Variants in STIM2 observed in about 807,000 individuals in gnomAD.
The protein encoded by STIM2 is stromal interaction molecule 2.
In STIM2, 31 loss-of-function variants were observed where a neutral mutation model predicts 85.8. That is an observed-to-expected ratio of 0.36 (90% CI 0.27 to 0.49). The LOEUF (loss-of-function observed/expected upper bound fraction) is 0.49, where lower values mean the gene tolerates loss of function less well. Among genes scored for constraint, STIM2 ranks in the 20% least tolerant of loss-of-function variants. The pLI is 0.98. For synonymous variants in STIM2, 356 were observed against 331.1 expected (o/e 1.08, Z -0.82); for missense variants, 841 against 927.6 (o/e 0.91, Z 1.21).
chr4:26,909,885 T>C (rs1229438266), intron 1 of STIM2, among the ~76,000 whole-genome samples: 2 of 152,162 alleles, frequency 1.3e-5, no homozygotes, highest in African/African-American at 4.8e-5. Flanking sequence ...TGAGCTAGGG[T>C]CTCAAAAGGG....
At chr4:26,966,324 T>G (rs1195026937) in intron 3 of STIM2, among the ~76,000 whole-genome samples, 1 of 152,088 alleles carries the variant, frequency 6.6e-6, no homozygotes, top group African/African-American at 2.4e-5. Context: ...TGGGAAGGAG[T>G]GACTCAGGAA....
intron 3 of STIM2, among the ~76,000 whole-genome samples, chr4:26,964,630 G>C (rs1356229058): frequency 6.6e-6 from 1 of 152,088 alleles, no homozygotes; most frequent in Admixed American, 6.6e-5. Context: ...TGGGCTTGGA[G>C]GGGGGGTTTA....
intron 3 of STIM2, among the ~76,000 whole-genome samples, chr4:26,960,336 G>A (rs889162378): frequency 2.6e-5 from 4 of 152,078 alleles, no homozygotes; most frequent in Non-Finnish European, 1.5e-5. Context: ...GTGTATATAT[G>A]TATTTATACA....
In STIM2 at chr4:27,023,046, T is replaced by C. The variant is rs1199746374; in HGVS notation, c.*50T>C. On this transcript the variant is annotated 3_prime_UTR_variant, in exon 12 of 12. Coordinates refer to ENST00000467087, the MANE Select transcript of STIM2 (RefSeq NM_020860.4). ...TTCAAGTGGCATCTGTAAACTATTATCCCCCACCCTCCACTCCCCACCTTT... is the reference window on the plus strand; with the variant it reads ...TTCAAGTGGCATCTGTAAACTATTACCCCCCACCCTCCACTCCCCACCTTT... 2 of 1,527,744 alleles carry C rather than the reference T, an allele frequency of 1.3e-6. No homozygotes were observed. Among genetic ancestry groups the C allele is most frequent in the East Asian group, 2.3e-5 (1 of 44,360 alleles). The allele number at this position is 1,527,744 out of a possible 1,614,324, so 94.6% of individuals were successfully genotyped here.
At chr4:26,993,310 C>T (rs1727830791) in intron 3 of STIM2, among the ~76,000 whole-genome samples, 3 of 152,144 alleles carry the variant, frequency 2.0e-5, no homozygotes, top group African/African-American at 7.2e-5. Flanking sequence ...ACAGCAGCCT[C>T]AGGCCCATGT....
intron 1 of STIM2, chr4:26,874,104 A>C: frequency 1.7e-6 from 1 of 576,760 alleles, no homozygotes; most frequent in Admixed American, 2.2e-5. Context: ...TGCAGCTTGG[A>C]GGCTCTGCTG....
intron 3 of STIM2, among the ~76,000 whole-genome samples, chr4:26,964,912 C>T (rs1352283741): frequency 6.6e-6 from 1 of 152,174 alleles, no homozygotes; most frequent in African/African-American, 2.4e-5. Flanking sequence ...CATTAAGGAA[C>T]ATTTACTTTC....
At chr4:26,872,742 C>T (rs1247796495) in intron 1 of STIM2, among the ~76,000 whole-genome samples, 4 of 152,110 alleles carry the variant, frequency 2.6e-5, no homozygotes. Flanking sequence ...ATAGAAAATA[C>T]AAATACTATT....
In STIM2 at chr4:27,022,671, A is replaced by G. The variant is rs1478271481; in HGVS notation, c.1916A>G (p.Asp639Gly). 8.7e-6 allele frequency: 14 copies of G among 1,614,074 alleles called. No homozygotes were observed. Among genetic ancestry groups the G allele is most frequent in the Non-Finnish European group, 1.1e-5 (13 of 1,180,048 alleles). ...TCCCTAGAGGATTCCTCCCGAGGGG[A>G]TTCGCCTGTAACTGTGGATGTGTCT... The change falls in exon 12 of 12, where the codon GAT becomes GGT. Residue 639 changes from aspartate to glycine, a missense_variant. Physicochemically the swap from Asp to Gly is moderately conservative, Grantham distance 94 (BLOSUM62 -1). Around this residue, in one of 3 missense-constraint regions of STIM2, gnomAD observed 293 missense variants for 284.5 expected, o/e 1.03. Coordinates refer to ENST00000467087, the MANE Select transcript of STIM2 (RefSeq NM_020860.4).
At position 26,892,205 on chromosome 4, in the gene STIM2, A is replaced by G. The variant is rs186144878; in HGVS notation, c.152-27299A>G. On this transcript the variant is annotated intron_variant, in intron 1 of 11. Coordinates refer to ENST00000467087, the MANE Select transcript of STIM2 (RefSeq NM_020860.4). ...GTATATCTTTATCAGCAGCGTGAAA[A>G]TGAACGAATACATCAGGCTTTAAGA... Among the ~76,000 whole-genome samples, 5 of 152,348 alleles carry G rather than the reference A, an allele frequency of 3.3e-5. No individual in the cohort carries two copies. The East Asian group carries it at 7.7e-4, about 24-fold the overall frequency.
intron 6 of STIM2, among the ~76,000 whole-genome samples, 159 bp from the exon 7 acceptor site, chr4:27,002,768 G>A (rs1055959384): frequency 6.6e-6 from 1 of 152,028 alleles, no homozygotes; most frequent in African/African-American, 2.4e-5. Flanking sequence ...ATAGTAAGTT[G>A]CCTGATATTT....
intron 7 of STIM2, among the ~76,000 whole-genome samples, chr4:27,006,207 G>A (rs1338589900): frequency 6.6e-6 from 1 of 152,148 alleles, no homozygotes; most frequent in African/African-American, 2.4e-5. Flanking sequence ...CTGTCACCTA[G>A]TGTTGCATTG....
chr4:26,988,352 G>T (rs1258419498), intron 3 of STIM2, among the ~76,000 whole-genome samples: 5 of 152,150 alleles, frequency 3.3e-5, no homozygotes, highest in Admixed American at 3.3e-4. Context: ...ACTTCATGAA[G>T]GAGGGAGCTT....
chr4:26,930,719 A>G (rs1014169105), intron 2 of STIM2, among the ~76,000 whole-genome samples: 2 of 152,214 alleles, frequency 1.3e-5, no homozygotes, highest in East Asian at 1.9e-4. Context: ...AAAGAAGGCA[A>G]TGCATTTTAA....
intron 4 of STIM2, among the ~76,000 whole-genome samples, chr4:26,997,120 T>C (rs1178975256): frequency 6.6e-6 from 1 of 152,174 alleles, no homozygotes; most frequent in Non-Finnish European, 1.5e-5. Flanking sequence ...GCCCCTATTA[T>C]ATAGTAATGG....
intron 7 of STIM2, among the ~76,000 whole-genome samples, chr4:27,005,226 A>C (rs1380550623): frequency 6.6e-6 from 1 of 152,154 alleles, no homozygotes; most frequent in African/African-American, 2.4e-5. Context: ...ATATAGTGTT[A>C]TTTTTCCTAG....
At chr4:26,888,104 A>G (rs555982272) in intron 1 of STIM2, among the ~76,000 whole-genome samples, 1 of 152,358 alleles carries the variant, frequency 6.6e-6, no homozygotes, top group South Asian at 2.1e-4. Context: ...TGTGTTTACA[A>G]AATACCATCA....
chr4:26,984,386 T>G (rs182790625), intron 3 of STIM2, among the ~76,000 whole-genome samples: 70 of 152,306 alleles, frequency 4.6e-4, no homozygotes, highest in African/African-American at 1.6e-3. Context: ...AGATGGAGTC[T>G]CACTCACTCT....
intron 1 of STIM2, among the ~76,000 whole-genome samples, chr4:26,912,916 A>G (rs987717926): frequency 4.6e-5 from 7 of 151,976 alleles, no homozygotes. Flanking sequence ...GTTGTGTGGG[A>G]GTTGTCAGGC....
Sources: gnomAD v4.1 joint callset for allele counts (sites outside exome capture counted in the v4.1 genomes callset) on GRCh38, gnomAD v4.1.1 for gene constraint, gnomAD v4.1.1 regional missense constraint, MANE v1.5 for transcripts, NCBI Gene and HGNC (gene_info 2026-07-23, HGNC 2026-07-21) for gene names.